PSMD1: variants seen among roughly 807,000 people sequenced by gnomAD.
PSMD1 encodes 26S proteasome non-ATPase regulatory subunit 1.
PSMD1 carries 18 observed loss-of-function variants against 119.0 expected under a neutral mutation model. The ratio of observed to expected loss-of-function variants is 0.15; its 90% CI spans 0.10 to 0.22. The LOEUF (loss-of-function observed/expected upper bound fraction) is 0.22. Ranked by LOEUF, PSMD1 falls within the 10% of genes least tolerant of loss-of-function variation. The pLI is 1.00. For missense variants in PSMD1, 702 were observed against 1,158.5 expected (o/e 0.61, Z 5.72); for synonymous variants, 374 against 396.6 (o/e 0.94, Z 0.68).
At chr2:231,076,219 ATTGTTTTTG>A (rs1356491237) in intron 8 of PSMD1, among the ~76,000 whole-genome samples, 1 of 152,176 alleles carries the variant, frequency 6.6e-6, no homozygotes, top group Non-Finnish European at 1.5e-5. Context: ...AGGGAGGCTA[ATTGTTTTTG>A]TTGTTTTTAA....
At chr2:231,108,896 G>A in intron 16 of PSMD1, 1 of 1,614,116 alleles carries the variant, frequency 6.2e-7, no homozygotes, top group Non-Finnish European at 8.5e-7. Flanking sequence ...TTGGAGAGTA[G>A]TTTGGTTACA....
rs1467865084 is a variant in PSMD1, at chr2:231,146,498, AAGAG to A, written c.2115+144_2115+147del. 14 of 618,736 alleles carry A rather than the reference AAGAG, an allele frequency of 2.3e-5. No homozygotes were observed. In the East Asian group the frequency reaches 3.9e-4, roughly 17 times the overall value. 38.3% of individuals were successfully genotyped at this position (618,736 alleles called of 1,614,324 possible). A position where few individuals can be genotyped will look rare whatever the true frequency, so the allele number is the denominator to read the frequency against. Reference sequence around the variant, plus strand: ...AAGTAAAGAGAGCATTTTAGAGTATAAGAGAATGGGGAAACTTTAAATATGTAAT... The same window carrying A: ...AAGTAAAGAGAGCATTTTAGAGTATAAATGGGGAAACTTTAAATATGTAAT... On this transcript the variant is annotated intron_variant, in intron 18 of 24. Transcript: ENST00000308696.
intron 16 of PSMD1, among the ~76,000 whole-genome samples, chr2:231,114,559 A>G (rs1214061084): frequency 2.0e-5 from 3 of 152,238 alleles, no homozygotes; most frequent in Admixed American, 6.5e-5. Context: ...TTCCCCTTCT[A>G]TATTTCATCA....
rs554900290 is a variant in PSMD1 at position 231,106,265 on chromosome 2, T to A, written c.1883+19084T>A. 2.6e-5 allele frequency among the ~76,000 whole-genome samples: 4 copies of A among 152,328 alleles called. No individual in the cohort carries two copies. The East Asian group carries it at 7.7e-4, about 29-fold the overall frequency. Reference sequence around the variant, plus strand: ...AATAGTGGAGTTATGTTTCACTTTCTAGAATATTCTGGAAATAGTAGAAAG... The same window carrying A: ...AATAGTGGAGTTATGTTTCACTTTCAAGAATATTCTGGAAATAGTAGAAAG... On this transcript the variant is annotated intron_variant, in intron 16 of 24. Coordinates refer to ENST00000308696, the MANE Select transcript of PSMD1 (RefSeq NM_002807.4).
chr2:231,060,485 A>G (rs189325420), intron 1 of PSMD1: 4 of 152,374 alleles, frequency 2.6e-5, no homozygotes, highest in Admixed American at 6.5e-5. Context: ...TCTTAGTACA[A>G]TAATTTCCCA....
intron 8 of PSMD1, among the ~76,000 whole-genome samples, chr2:231,075,881 C>T (rs1484863761): frequency 6.6e-6 from 1 of 152,006 alleles, no homozygotes; most frequent in African/African-American, 2.4e-5. Flanking sequence ...CCGAGCCAAG[C>T]CACCATGCCC....
At chr2:231,104,735 A>C (rs1225647525) in intron 16 of PSMD1, among the ~76,000 whole-genome samples, 4 of 152,124 alleles carry the variant, frequency 2.6e-5, no homozygotes, top group Non-Finnish European at 5.9e-5. Flanking sequence ...TGCTTTCTCC[A>C]CCTTGCTTTC....
chr2:231,104,499 A>C (rs1336434355), intron 16 of PSMD1, among the ~76,000 whole-genome samples: 1 of 152,198 alleles, frequency 6.6e-6, no homozygotes, highest in African/African-American at 2.4e-5. Context: ...AATGAAAATT[A>C]AATATAATTG....
chr2:231,092,732 A>G (rs1307724334), intron 16 of PSMD1, among the ~76,000 whole-genome samples: 1 of 152,190 alleles, frequency 6.6e-6, no homozygotes, highest in Non-Finnish European at 1.5e-5. Context: ...CTTGTCCTCC[A>G]TGACAGACCT....
chr2:231,141,342 A>C (rs1034379410), intron 17 of PSMD1, among the ~76,000 whole-genome samples: 1 of 151,746 alleles, frequency 6.6e-6, no homozygotes, highest in Non-Finnish European at 1.5e-5. Flanking sequence ...TACACATGGC[A>C]ACAATTGTGT....
At chr2:231,059,761 T>C (rs1693709530) in intron 1 of PSMD1, among the ~76,000 whole-genome samples, 1 of 152,240 alleles carries the variant, frequency 6.6e-6, no homozygotes, top group South Asian at 2.1e-4. Flanking sequence ...CAATATCTGC[T>C]CAGTTCCTAT....
At chr2:231,059,114 G>A (rs1001322665) in intron 1 of PSMD1, among the ~76,000 whole-genome samples, 1 of 152,162 alleles carries the variant, frequency 6.6e-6, no homozygotes, top group African/African-American at 2.4e-5. Context: ...TAAAGTAGAG[G>A]CGGAAAAAGC....
At chr2:231,092,721 G>T (rs1408230612) in intron 16 of PSMD1, among the ~76,000 whole-genome samples, 1 of 152,194 alleles carries the variant, frequency 6.6e-6, no homozygotes, top group Non-Finnish European at 1.5e-5. Flanking sequence ...GAGTCTACGG[G>T]CTTGTCCTCC....
intron 23 of PSMD1, among the ~76,000 whole-genome samples, chr2:231,166,796 C>G (rs1272433521): frequency 2.6e-5 from 4 of 152,146 alleles, no homozygotes; most frequent in Admixed American, 6.6e-5. Context: ...TTATTCTTAT[C>G]AACCTGATGG....
intron 16 of PSMD1, among the ~76,000 whole-genome samples, chr2:231,090,816 A>G (rs1024391192): frequency 2.0e-5 from 3 of 152,210 alleles, no homozygotes; most frequent in East Asian, 1.9e-4. Context: ...GGTGAAAATA[A>G]CAAGAGAACT....
At chr2:231,088,640 T>C (rs1694512278) in intron 16 of PSMD1, among the ~76,000 whole-genome samples, 1 of 152,196 alleles carries the variant, frequency 6.6e-6, no homozygotes, top group Admixed American at 6.5e-5. Flanking sequence ...AATCAATAAA[T>C]GTGTGTTCTG....
chr2:231,089,659 A>G (rs1276482318), intron 16 of PSMD1, among the ~76,000 whole-genome samples: 4 of 152,076 alleles, frequency 2.6e-5, no homozygotes, highest in African/African-American at 7.3e-5. Context: ...AGGTCCCACA[A>G]TAGGCTGTCT....
At chr2:231,058,785 C>A (rs1166912344) in intron 1 of PSMD1, among the ~76,000 whole-genome samples, 1 of 152,122 alleles carries the variant, frequency 6.6e-6, no homozygotes, top group African/African-American at 2.4e-5. Flanking sequence ...GGGGCCCTGG[C>A]ACATTCTGTT....
chr2:231,117,360 G>A (rs1251191032), intron 16 of PSMD1, among the ~76,000 whole-genome samples: 1 of 152,020 alleles, frequency 6.6e-6, no homozygotes, highest in Non-Finnish European at 1.5e-5. Context: ...AGAAAGAAAT[G>A]TGTATCTAAG....
Sources: allele counts gnomAD v4.1 joint callset (sites outside exome capture counted in the v4.1 genomes callset), GRCh38; gene constraint gnomAD v4.1.1; transcripts MANE v1.5; gene names NCBI Gene and HGNC (gene_info 2026-07-23, HGNC 2026-07-21).